The following ZNF638 variants were observed in gnomAD, a reference collection of about 807,000 sequenced individuals.
ZNF638 encodes the protein zinc finger protein 638, also known as CTCL tumor antigen se33-1.
ZNF638 carries 46 observed loss-of-function variants against 195.6 expected under a neutral mutation model. The observed-to-expected ratio is 0.24, with a 90% confidence interval of 0.19 to 0.30. The LOEUF (loss-of-function observed/expected upper bound fraction) is 0.30. Ranked by LOEUF, ZNF638 falls within the 10% of genes least tolerant of loss-of-function variation. The pLI, the probability that ZNF638 is intolerant of heterozygous loss-of-function variation, is 1.00. For synonymous variants in ZNF638, 845 were observed against 772.0 expected, an observed-to-expected ratio of 1.09 and a Z score of -1.57; for missense variants, 2,440 against 2,325.3, an observed-to-expected ratio of 1.05 and a Z score of -1.01.
intron 8 of ZNF638, among the ~76,000 whole-genome samples, chr2:71,372,512 A>G (rs1385077704): frequency 6.6e-6 from 1 of 152,160 alleles, no homozygotes; most frequent in Non-Finnish European, 1.5e-5. Context: ...GTGGGGCCAG[A>G]TTAGGGAGGT....
chr2:71,428,245 C>G (rs2080580066), intron 24 of ZNF638, among the ~76,000 whole-genome samples: 1 of 152,038 alleles, frequency 6.6e-6, no homozygotes, highest in African/African-American at 2.4e-5. Context: ...GAATAAAATA[C>G]TAGGAAGGTC....
At chr2:71,405,102 G>A (rs922806225) in intron 17 of ZNF638, among the ~76,000 whole-genome samples, 1 of 152,156 alleles carries the variant, frequency 6.6e-6, no homozygotes, top group African/African-American at 2.4e-5. Flanking sequence ...AAGTTCCTTT[G>A]CCGCACACAA....
chr2:71,433,058 A>G, intron 26 of ZNF638, 107 bp from the exon 27 acceptor site: 1 of 916,478 alleles, frequency 1.1e-6, no homozygotes. Context: ...CTGCCCTCCA[A>G]CCTGGATGAC....
At chr2:71,422,316 G>A (rs1008547637) in intron 21 of ZNF638, among the ~76,000 whole-genome samples, 2 of 151,870 alleles carry the variant, frequency 1.3e-5, no homozygotes, top group African/African-American at 4.8e-5. Context: ...AAATAAAAAG[G>A]TGATATGATT....
intron 9 of ZNF638, 24 bp downstream of exon 9, chr2:71,380,304 T>C (rs1347427974): frequency 2.0e-6 from 3 of 1,494,876 alleles, no homozygotes; most frequent in African/African-American, 2.8e-5. Context: ...TGATTTCATA[T>C]GTGAGAATGA....
In ZNF638 at chr2:71,423,856, G is replaced by C; in HGVS notation, c.4342G>C (p.Gly1448Arg). 1 of 1,614,142 alleles carries C rather than the reference G, an allele frequency of 6.2e-7. No individual in the cohort carries two copies. Among genetic ancestry groups the C allele is most frequent in the Non-Finnish European group, 8.5e-7 (1 of 1,180,024 alleles). ...GCTTAAACCCACAAGTGCCAGGTCA[G>C]GCTTGGCAGAAAGCAGCAGTAAATT... Reference protein sequence around the residue: ...GLLKPTSARSGLAESSSKFKP... With the variant: ...GLLKPTSARSRLAESSSKFKP... The change falls in exon 22 of 28, where the codon GGC becomes CGC. Residue 1448 changes from glycine to arginine, a missense_variant. Gly to Arg is a moderately radical substitution (Grantham distance 125, BLOSUM62 -2). This residue lies in a region of ZNF638 where 1,883 missense variants were observed against 1,739.1 expected (regional missense o/e 1.08). Transcript: ENST00000264447.
chr2:71,406,047 A>T, intron 18 of ZNF638, 81 bp from the exon 19 acceptor site: 1 of 1,518,644 alleles, frequency 6.6e-7, no homozygotes, highest in Non-Finnish European at 9.0e-7. Context: ...GACCTCTGTA[A>T]TAGTAAGTTA....
rs764821343 is a variant in ZNF638 at position 71,422,820 on chromosome 2, C to T, written c.3306C>T (p.Gly1102=). 3.1e-6 allele frequency: 5 copies of T among 1,607,758 alleles called. No homozygotes were observed. In the South Asian group the frequency reaches 5.5e-5, roughly 18 times the overall value. ...HDPELEKESP[G]LKNSPIDESE... ...TGTTTTTAAATACTTTTAGCCCTGGCTTGAAAAACAGTCCAATTGATGAAA... is the reference window on the plus strand; with the variant it reads ...TGTTTTTAAATACTTTTAGCCCTGGTTTGAAAAACAGTCCAATTGATGAAA... The change falls in exon 22 of 28, where the codon GGC becomes GGT. Residue 1102 remains glycine (G), a synonymous_variant. Coordinates refer to ENST00000264447, the MANE Select transcript of ZNF638 (RefSeq NM_014497.5).
At chr2:71,425,977 C>A (rs139406702) in intron 23 of ZNF638, among the ~76,000 whole-genome samples, 1 of 152,068 alleles carries the variant, frequency 6.6e-6, no homozygotes, top group Non-Finnish European at 1.5e-5. Flanking sequence ...AATATGTATT[C>A]TATATATAAT....
intron 16 of ZNF638, 90 bp from the exon 17 acceptor site, chr2:71,403,780 G>T (rs1444043410): frequency 5.6e-6 from 5 of 892,950 alleles, no homozygotes; most frequent in Non-Finnish European, 8.3e-6. Context: ...TCCACTTGAC[G>T]TTTGAAGTAG....
Position 71,426,888 on chromosome 2 carries a change from TCTC to T in ZNF638, c.5023_5025del (p.Leu1675del), listed in dbSNP as rs775308137. ...TTCTGTCAGTGGCTGAAGAACAAGA[TCTC>T]CTCAAACAGGAACGCTTGGTAACTG... On this transcript the variant is annotated inframe_deletion, in exon 24 of 28. Transcript: ENST00000264447. 2.5e-6 allele frequency: 4 copies of T among 1,614,140 alleles called. No homozygotes were observed. Among genetic ancestry groups the T allele is most frequent in the Non-Finnish European group, 3.4e-6 (4 of 1,180,018 alleles).
chr2:71,332,632 G>C (rs1573004620), intron 1 of ZNF638, among the ~76,000 whole-genome samples: 1 of 152,286 alleles, frequency 6.6e-6, no homozygotes, highest in East Asian at 1.9e-4. Context: ...GTGATTCTTA[G>C]CTTGGGCCCC....
chr2:71,394,374 A>C (rs2079850425), intron 10 of ZNF638, among the ~76,000 whole-genome samples: 1 of 152,166 alleles, frequency 6.6e-6, no homozygotes, highest in Non-Finnish European at 1.5e-5. Context: ...TAATTCCAGT[A>C]ACAATTATAC....
At chr2:71,398,222 A>G (rs1197905673) in intron 11 of ZNF638, among the ~76,000 whole-genome samples, 1 of 152,148 alleles carries the variant, frequency 6.6e-6, no homozygotes, top group African/African-American at 2.4e-5. Context: ...ATATTTGCAT[A>G]TATATAATGA....
At chr2:71,425,342 A>AGT (rs1227697470) in intron 23 of ZNF638, among the ~76,000 whole-genome samples, 2 of 152,336 alleles carry the variant, frequency 1.3e-5, no homozygotes, top group East Asian at 1.9e-4. Flanking sequence ...CTAAAGCAGA[A>AGT]ATAAGGATTA....
chr2:71,364,357 G>A (rs2104272574), intron 5 of ZNF638, 105 bp downstream of exon 5: 1 of 1,243,448 alleles, frequency 8.0e-7, no homozygotes, highest in East Asian at 2.5e-5. Context: ...AAATTTTAGA[G>A]TTGATAAATG....
chr2:71,356,793 A>AT (rs1444537433), intron 3 of ZNF638, among the ~76,000 whole-genome samples: 117 of 151,520 alleles, frequency 7.7e-4, no homozygotes, highest in South Asian at 2.7e-3. Context: ...AAAAAAAAAA[A>AT]ATTTTTTTTT....
At chr2:71,381,352 A>G (rs1461004957) in intron 10 of ZNF638, among the ~76,000 whole-genome samples, 2 of 152,076 alleles carry the variant, frequency 1.3e-5, no homozygotes, top group Admixed American at 6.5e-5. Context: ...TGAAAATTGG[A>G]TTGTGGAATA....
chr2:71,395,789 C>G, intron 10 of ZNF638: 1 of 404,034 alleles, frequency 2.5e-6, no homozygotes, highest in South Asian at 2.4e-5. Flanking sequence ...ATCCGTCGCT[C>G]AGCCTGAGTC....
Sources: allele counts gnomAD v4.1 joint callset (sites outside exome capture counted in the v4.1 genomes callset), GRCh38; gene constraint gnomAD v4.1.1; regional missense constraint gnomAD v4.1.1; transcripts MANE v1.5; gene names NCBI Gene and HGNC (gene_info 2026-07-23, HGNC 2026-07-21).